The following MYO16 variants were observed in gnomAD, a reference collection of about 807,000 sequenced individuals.
MYO16 encodes myosin XVI.
In MYO16, 94 loss-of-function variants were observed where a neutral mutation model predicts 205.3. That is an observed-to-expected ratio of 0.46 (90% CI 0.39 to 0.54). The LOEUF (loss-of-function observed/expected upper bound fraction) is 0.54. Ranked by LOEUF, MYO16 falls within the 20% of genes least tolerant of loss-of-function variation. The pLI, the probability that MYO16 is intolerant of heterozygous loss-of-function variation, is 0.00. For missense variants in MYO16, 2,315 were observed against 2,387.5 expected (o/e 0.97, Z 0.63); for synonymous variants, 988 against 954.0 (o/e 1.04, Z -0.66).
At chr13:108,874,257 T>A (rs760053134) in intron 12 of MYO16, among the ~76,000 whole-genome samples, 1 of 151,948 alleles carries the variant, frequency 6.6e-6, no homozygotes, top group Non-Finnish European at 1.5e-5. Flanking sequence ...GGGCAAATCT[T>A]AAAAAATTAG....
chr13:108,505,832 G>GTT, the MYO16 span, among the ~76,000 whole-genome samples: 16 of 151,888 alleles, frequency 1.1e-4, no homozygotes, highest in East Asian at 7.8e-4. Flanking sequence ...ATTTTGAGTT[G>GTT]TTTCTTTTGC....
intron 1 of MYO16, among the ~76,000 whole-genome samples, chr13:108,599,750 C>A (rs929162789): frequency 6.6e-6 from 1 of 152,174 alleles, no homozygotes; most frequent in African/African-American, 2.4e-5. Context: ...TAAATTACTC[C>A]TCCACCAATT....
chr13:108,576,138 T>C, the MYO16 span, among the ~76,000 whole-genome samples: 4,977 of 152,106 alleles, frequency 0.033, 248 homozygotes, highest in African/African-American at 0.11. Flanking sequence ...GTTCCAAAAC[T>C]ACAGAAAGGA....
At chr13:108,938,983 C>G (rs528604049) in intron 16 of MYO16, among the ~76,000 whole-genome samples, 1 of 152,214 alleles carries the variant, frequency 6.6e-6, no homozygotes, top group South Asian at 2.1e-4. Context: ...TAGCAGCTCC[C>G]CTCTTGCCCC....
intron 33 of MYO16, among the ~76,000 whole-genome samples, chr13:109,175,817 CTCCAACACGATTGGAGTCT>C (rs147219847): frequency 0.14 from 20,646 of 150,986 alleles, 2,050 homozygotes; most frequent in East Asian, 0.52. Flanking sequence ...TTAAATGTTC[CTCCAACACGATTGGAGTCT>C]TCACCCTGGT....
At chr13:109,144,799 G>C (rs1877254977) in intron 32 of MYO16, among the ~76,000 whole-genome samples, 1 of 152,170 alleles carries the variant, frequency 6.6e-6, no homozygotes, top group Non-Finnish European at 1.5e-5. Context: ...ATGACATCGA[G>C]GAGATTAAAC....
intron 9 of MYO16, among the ~76,000 whole-genome samples, chr13:108,835,121 A>G (rs1401523355): frequency 6.6e-6 from 1 of 152,132 alleles, no homozygotes; most frequent in African/African-American, 2.4e-5. Flanking sequence ...AGAGAGTAAT[A>G]TGGTTTAGAT....
chr13:108,580,298 A>G, the MYO16 span, among the ~76,000 whole-genome samples: 3 of 152,134 alleles, frequency 2.0e-5, no homozygotes, highest in Admixed American at 1.3e-4. Flanking sequence ...TCTATGCTTA[A>G]AATTCTTCAG....
chr13:108,849,448 C>T (rs760550424), intron 10 of MYO16, among the ~76,000 whole-genome samples: 1 of 152,008 alleles, frequency 6.6e-6, no homozygotes, highest in Non-Finnish European at 1.5e-5. Flanking sequence ...GCCTCTGCCT[C>T]CCAAAGTGCT....
chr13:108,894,670 C>T (rs561685197), intron 14 of MYO16, among the ~76,000 whole-genome samples: 3 of 152,312 alleles, frequency 2.0e-5, no homozygotes, highest in Non-Finnish European at 4.4e-5. Context: ...GTCAGTCTTA[C>T]ACCTCATTTG....
At chr13:109,144,873 A>G (rs1367720949) in intron 32 of MYO16, among the ~76,000 whole-genome samples, 1 of 152,214 alleles carries the variant, frequency 6.6e-6, no homozygotes. Flanking sequence ...ATGTACAGTG[A>G]GTTGTGTATA....
intron 1 of MYO16, among the ~76,000 whole-genome samples, chr13:108,634,020 C>T (rs1313119553): frequency 6.6e-6 from 1 of 152,162 alleles, no homozygotes; most frequent in Admixed American, 6.5e-5. Context: ...AAGGTGGAAC[C>T]CCCCTTTCCA....
At chr13:108,649,459 C>T (rs1266442053) in intron 1 of MYO16, among the ~76,000 whole-genome samples, 1 of 151,982 alleles carries the variant, frequency 6.6e-6, no homozygotes, top group East Asian at 1.9e-4. Context: ...GGGAAGGATG[C>T]TCCCAGAAAA....
chr13:109,055,191 T>C lies in MYO16; in HGVS notation c.3129+65T>C, dbSNP rs1178743240. 1.5e-6 allele frequency: 2 copies of C among 1,360,904 alleles called. No homozygotes were observed. The highest frequency in any genetic ancestry group is 2.0e-6 in the Non-Finnish European group (2 of 985,886). The allele number at this position is 1,360,904 out of a possible 1,614,324, so 84.3% of individuals were successfully genotyped here. ...TTATAGCAACTAAAGAGGGTTTATG[T>C]AGACTTTTTTTTCCATTTTTGACAA... On this transcript the variant is annotated intron_variant, in intron 26 of 34. Coordinates refer to ENST00000457511, the MANE Select transcript of MYO16 (RefSeq NM_001198950.3). This position sits in a 1 kb window ranked among gnomAD's most constrained non-coding sequence, Gnocchi z 5.0.
Position 109,035,874 on chromosome 13 carries a change from A to G in MYO16, c.2797-11042A>G, listed in dbSNP as rs116726571. Reference sequence around the variant, plus strand: ...TCCAACTTAACTGGGGAGCAAGTTTAAAATGCAGCTTCCTGGATTTCTCTC... The same window carrying G: ...TCCAACTTAACTGGGGAGCAAGTTTGAAATGCAGCTTCCTGGATTTCTCTC... On this transcript the variant is annotated intron_variant, in intron 23 of 34. Coordinates refer to ENST00000457511, the MANE Select transcript of MYO16 (RefSeq NM_001198950.3). Among the ~76,000 whole-genome samples the G allele has an allele frequency of 5.0e-3, 768 of 152,296 alleles. 8 individuals are homozygous for G. Among genetic ancestry groups the G allele is most frequent in the African/African-American group, 0.018 (728 of 41,550 alleles).
At chr13:109,178,335 G>GT (rs1265663971) in intron 33 of MYO16, among the ~76,000 whole-genome samples, 1 of 152,116 alleles carries the variant, frequency 6.6e-6, no homozygotes, top group Non-Finnish European at 1.5e-5. Context: ...CATGAAGTTA[G>GT]CTTTTCCATA....
chr13:108,888,689 T>C (rs368351262), intron 14 of MYO16, among the ~76,000 whole-genome samples: 4 of 152,234 alleles, frequency 2.6e-5, no homozygotes, highest in East Asian at 1.9e-4. Flanking sequence ...GTACATACTT[T>C]CTTTTTGTAT....
intron 23 of MYO16, among the ~76,000 whole-genome samples, chr13:109,029,945 T>G (rs1278563450): frequency 6.6e-6 from 1 of 152,162 alleles, no homozygotes; most frequent in Non-Finnish European, 1.5e-5. Flanking sequence ...TTATAAAACT[T>G]TAGATTGTTC....
At chr13:108,911,034 AACACAC>A (rs113296282) in intron 16 of MYO16, among the ~76,000 whole-genome samples, 28 of 138,546 alleles carry the variant, frequency 2.0e-4, no homozygotes, top group South Asian at 1.8e-3. Context: ...TATAGGAGAA[AACACAC>A]ACACACACAC....
Sources: allele counts gnomAD v4.1 joint callset (sites outside exome capture counted in the v4.1 genomes callset), GRCh38; gene constraint gnomAD v4.1.1; non-coding constraint Gnocchi (gnomAD v3.1); transcripts MANE v1.5; gene names NCBI Gene and HGNC (gene_info 2026-07-23, HGNC 2026-07-21).